The following DOP1B variants were observed in gnomAD, a reference collection of about 807,000 sequenced individuals.
DOP1B encodes the protein protein DOP1B.
In DOP1B, 174 loss-of-function variants were observed where a neutral mutation model predicts 233.5. The observed-to-expected ratio is 0.75, with a 90% CI of 0.66 to 0.85. DOP1B has a LOEUF of 0.85. Among genes scored for constraint, DOP1B ranks in the 40% least tolerant of loss-of-function variants. The pLI is 0.00. For synonymous variants in DOP1B, 1,190 were observed against 1,185.6 expected, an observed-to-expected ratio of 1.00 and a Z score of -0.08; for missense variants, 2,652 against 2,846.6, an observed-to-expected ratio of 0.93 and a Z score of 1.56.
chr21:36,236,777 C>CTTTTTTTTTTTTT (rs35374710), intron 15 of DOP1B, among the ~76,000 whole-genome samples: 54 of 118,542 alleles, frequency 4.6e-4, no homozygotes, highest in Non-Finnish European at 6.0e-4. Flanking sequence ...TTTTCTTTTT[C>CTTTTTTTTTTTTT]TTTTTTTTTT....
chr21:36,167,750 C>T (rs1190219495), intron 2 of DOP1B, among the ~76,000 whole-genome samples: 1 of 150,952 alleles, frequency 6.6e-6, no homozygotes, highest in East Asian at 1.9e-4. Context: ...TACTTTCCCT[C>T]TCTACGGACT....
chr21:36,277,975 G>T lies in DOP1B; in HGVS notation c.5713G>T (p.Val1905Leu), dbSNP rs755009447. ...TTTTCTTAGGGCCTTGTTCTTTTAG[G>T]TACTGGCTTCCCTCCTGGACATGGT... The part of the protein sequence containing the change: ...SVQALSLLAE[V>L]LASLLDMVYR... Residue 1905 changes from valine to leucine, a missense_variant and splice_region_variant, in exon 29 of 37, where the codon GTA (valine) becomes TTA (leucine). Physicochemically the swap from Val to Leu is conservative, Grantham distance 32. This residue lies in a region of DOP1B where 2,617 missense variants were observed against 2,794.3 expected (regional missense o/e 0.94). Coordinates refer to ENST00000691173, the MANE Select transcript of DOP1B (RefSeq NM_001320714.2). The T allele has an allele frequency of 6.2e-7, 1 of 1,613,628 alleles. No individual in the cohort carries two copies. Among genetic ancestry groups the T allele is most frequent in the Admixed American group, 1.7e-5 (1 of 59,986 alleles).
intron 24 of DOP1B, chr21:36,261,583 A>T (rs1192595970): frequency 1.0e-6 from 1 of 985,190 alleles, no homozygotes; most frequent in East Asian, 1.1e-4. Flanking sequence ...CAATGGCTGC[A>T]TCCCAGGTGC....
intron 12 of DOP1B, 143 bp downstream of exon 12, chr21:36,225,810 A>G: frequency 3.5e-6 from 3 of 867,876 alleles, no homozygotes; most frequent in Non-Finnish European, 5.3e-6. Flanking sequence ...TTTGGCATAA[A>G]AGATATAGCT....
intron 2 of DOP1B, among the ~76,000 whole-genome samples, chr21:36,176,063 C>T (rs570174899): frequency 1.1e-5 from 1 of 90,250 alleles, no homozygotes. Context: ...GATCCAGGAG[C>T]CCAGTGAGGA....
chr21:36,164,728 T>G lies in DOP1B; in HGVS notation c.-6T>G. On this transcript the variant is annotated 5_prime_UTR_variant, in exon 2 of 37. An upstream start codon of the reference 5' UTR is lost. Transcript: ENST00000691173. The stretch of plus-strand genomic sequence containing the variant: ...TTTAGATACTTTTCTGCTGTGAGAA[T>G]GTAAGATGGATCCAGAAGAGCAGGA... 6.4e-7 allele frequency: 1 copy of G among 1,568,982 alleles called. No homozygotes were observed. Among genetic ancestry groups the G allele is most frequent in the South Asian group, 1.2e-5 (1 of 84,228 alleles).
intron 1 of DOP1B, among the ~76,000 whole-genome samples, chr21:36,160,982 A>C (rs1322523202): frequency 6.6e-6 from 1 of 152,180 alleles, no homozygotes; most frequent in Non-Finnish European, 1.5e-5. Context: ...GTGTTTAGGA[A>C]GAAGAGGCAA....
intron 14 of DOP1B, among the ~76,000 whole-genome samples, chr21:36,232,267 G>A (rs550811116): frequency 6.6e-6 from 1 of 152,300 alleles, no homozygotes; most frequent in East Asian, 1.9e-4. Context: ...ACAGGCATGA[G>A]CCACCGTGCC....
intron 14 of DOP1B, among the ~76,000 whole-genome samples, chr21:36,232,495 C>G (rs949243131): frequency 1.3e-5 from 2 of 152,198 alleles, no homozygotes; most frequent in Admixed American, 1.3e-4. Flanking sequence ...GCAGCTGCAT[C>G]AGTCCCGTCT....
Position 36,164,722 on chromosome 21 carries a change from T to C in DOP1B, c.-12T>C. ...TTTGCTTTTAGATACTTTTCTGCTG[T>C]GAGAATGTAAGATGGATCCAGAAGA... On this transcript the variant is annotated 5_prime_UTR_variant, in exon 2 of 37. Transcript: ENST00000691173. 2 of 1,555,538 alleles carry C rather than the reference T, an allele frequency of 1.3e-6. No individual in the cohort carries two copies. Among genetic ancestry groups the C allele is most frequent in the Non-Finnish European group, 1.7e-6 (2 of 1,154,270 alleles).
At chr21:36,240,223 T>C (rs2066877635) in intron 18 of DOP1B, among the ~76,000 whole-genome samples, 1 of 152,178 alleles carries the variant, frequency 6.6e-6, no homozygotes, top group Non-Finnish European at 1.5e-5. Flanking sequence ...CTCACAACTG[T>C]AATCCTAGCA....
intron 4 of DOP1B, among the ~76,000 whole-genome samples, chr21:36,207,305 C>T (rs562718461): frequency 6.6e-6 from 1 of 152,120 alleles, no homozygotes; most frequent in South Asian, 2.1e-4. Context: ...CTGCCTCAGC[C>T]TCCCCAGTAG....
At chr21:36,172,188 C>G (rs1983912713) in intron 2 of DOP1B, among the ~76,000 whole-genome samples, 1 of 152,090 alleles carries the variant, frequency 6.6e-6, no homozygotes, top group South Asian at 2.1e-4. Flanking sequence ...GGATTTTGCT[C>G]TGGCGGGGAG....
intron 1 of DOP1B, among the ~76,000 whole-genome samples, chr21:36,162,853 AATGTATTTAG>A (rs2065880480): frequency 6.6e-6 from 1 of 151,918 alleles, no homozygotes; most frequent in Non-Finnish European, 1.5e-5. Flanking sequence ...GCCGCCAGGG[AATGTATTTAG>A]CAGTTGGTAG....
At chr21:36,206,805 A>G (rs2123484311) in intron 4 of DOP1B, among the ~76,000 whole-genome samples, 1 of 152,376 alleles carries the variant, frequency 6.6e-6, no homozygotes, top group Middle Eastern at 3.4e-3. Context: ...AGCCTTTAAT[A>G]GAAGACCAAT....
chr21:36,190,399 CT>C (rs949922209), intron 2 of DOP1B, among the ~76,000 whole-genome samples: 70 of 145,728 alleles, frequency 4.8e-4, no homozygotes, highest in African/African-American at 1.6e-3. Context: ...TCATCTCTTT[CT>C]TTTTTTTTTC....
rs566988937 is a variant in DOP1B, at chr21:36,213,058, A to T, written c.904+961A>T. Among the ~76,000 whole-genome samples the T allele has an allele frequency of 2.6e-5, 4 of 152,258 alleles. No homozygotes were observed. In the South Asian group the frequency reaches 6.2e-4, roughly 24 times the overall value. On this transcript the variant is annotated intron_variant, in intron 7 of 36. Coordinates refer to ENST00000691173, the MANE Select transcript of DOP1B (RefSeq NM_001320714.2). ...CTACCTCCCAAAGTGCTGGAATTAC[A>T]TGCCACCACACTCAGCCTAGCATTC...
intron 32 of DOP1B, among the ~76,000 whole-genome samples, chr21:36,282,890 C>T (rs1191621063): frequency 2.0e-5 from 3 of 151,948 alleles, no homozygotes; most frequent in Non-Finnish European, 2.9e-5. Context: ...GCAGGAGAAT[C>T]GCTTGAACCT....
intron 1 of DOP1B, among the ~76,000 whole-genome samples, chr21:36,160,030 T>TC (rs1414152669): frequency 6.6e-6 from 1 of 152,158 alleles, no homozygotes; most frequent in African/African-American, 2.4e-5. Flanking sequence ...TATGTTTCTT[T>TC]CCCCCATGTT....
Sources: allele counts gnomAD v4.1 joint callset (sites outside exome capture counted in the v4.1 genomes callset), GRCh38; gene constraint gnomAD v4.1.1; regional missense constraint gnomAD v4.1.1; transcripts MANE v1.5; gene names NCBI Gene and HGNC (gene_info 2026-07-23, HGNC 2026-07-21).